RABGAP1L: variants seen among roughly 807,000 people sequenced by gnomAD.
RABGAP1L encodes the protein rab GTPase-activating protein 1-like.
RABGAP1L carries 63 observed loss-of-function variants against 137.7 expected under a neutral mutation model. That is an observed-to-expected ratio of 0.46 (90% CI 0.37 to 0.56). The LOEUF (loss-of-function observed/expected upper bound fraction) is 0.56. RABGAP1L is among the 20% of genes least tolerant of loss of function. The probability of loss-of-function intolerance (pLI) is 0.00; values close to 1 mark genes in which losing one functional copy is unlikely to be tolerated. For missense variants in RABGAP1L, 1,095 were observed against 1,244.0 expected (o/e 0.88, Z 1.80); for synonymous variants, 431 against 433.7 (o/e 0.99, Z 0.08).
intron 18 of RABGAP1L, among the ~76,000 whole-genome samples, chr1:174,753,501 G>A (rs1005400672): frequency 2.6e-5 from 4 of 152,120 alleles, no homozygotes; most frequent in Non-Finnish European, 4.4e-5. Context: ...TTTGCTCTTT[G>A]TGAAGTTCAT....
chr1:174,536,002 A>C (rs1206077736), intron 13 of RABGAP1L, among the ~76,000 whole-genome samples: 1 of 152,194 alleles, frequency 6.6e-6, no homozygotes, highest in Non-Finnish European at 1.5e-5. Flanking sequence ...TGAATGTGAT[A>C]GCATAATGTT....
At chr1:174,533,503 G>T (rs997704597) in intron 13 of RABGAP1L, among the ~76,000 whole-genome samples, 1 of 152,022 alleles carries the variant, frequency 6.6e-6, no homozygotes, top group African/African-American at 2.4e-5. Context: ...AGCCTACTCA[G>T]TGTGAAGACG....
chr1:174,414,161 T>G (rs1650272544), intron 13 of RABGAP1L, among the ~76,000 whole-genome samples: 1 of 152,086 alleles, frequency 6.6e-6, no homozygotes, highest in African/African-American at 2.4e-5. Context: ...ATGATATAAT[T>G]TTTTCTTAAT....
rs61581018 is a variant in RABGAP1L at position 174,901,460 on chromosome 1, A to T, written c.2341-55997A>T. Among the ~76,000 whole-genome samples, 872 of 152,212 alleles carry T rather than the reference A, an allele frequency of 5.7e-3. 8 individuals carry two copies. The highest frequency in any genetic ancestry group is 0.02 in the African/African-American group (832 of 41,562). On this transcript the variant is annotated intron_variant, in intron 19 of 25. Transcript: ENST00000681986. Reference sequence around the variant, plus strand: ...CCCCCTTATAAAACCATCAGATCTCATGAGAACTGTCTGTCATGAGAACAG... The same window carrying T: ...CCCCCTTATAAAACCATCAGATCTCTTGAGAACTGTCTGTCATGAGAACAG...
intron 19 of RABGAP1L, among the ~76,000 whole-genome samples, chr1:174,956,002 A>G (rs1668467046): frequency 6.6e-6 from 1 of 152,318 alleles, no homozygotes; most frequent in East Asian, 1.9e-4. Context: ...TTTAATATGT[A>G]TTATGGAACA....
intron 19 of RABGAP1L, among the ~76,000 whole-genome samples, chr1:174,915,869 T>A (rs1660779044): frequency 6.6e-6 from 1 of 152,162 alleles, no homozygotes; most frequent in Admixed American, 6.5e-5. Context: ...TTTTTCCCAA[T>A]CTGTGGCTTT....
chr1:174,614,806 T>G (rs12096634), intron 13 of RABGAP1L, among the ~76,000 whole-genome samples: 2,387 of 152,316 alleles, frequency 0.016, 43 homozygotes, highest in African/African-American at 0.055. Flanking sequence ...TAAACTTCCC[T>G]TCTTGCTTCA....
At chr1:174,266,965 A>G (rs1006009684) in intron 7 of RABGAP1L, among the ~76,000 whole-genome samples, 1 of 152,212 alleles carries the variant, frequency 6.6e-6, no homozygotes, top group Non-Finnish European at 1.5e-5. Flanking sequence ...GATATGAACC[A>G]TATTGAAAAA....
At chr1:174,635,374 T>G (rs2148333356) in intron 13 of RABGAP1L, among the ~76,000 whole-genome samples, 2 of 152,322 alleles carry the variant, frequency 1.3e-5, no homozygotes, top group Middle Eastern at 6.8e-3. Context: ...TGGAAACTAT[T>G]AACTTATCGG....
chr1:174,497,964 A>G (rs1660894425), intron 13 of RABGAP1L, among the ~76,000 whole-genome samples: 1 of 152,224 alleles, frequency 6.6e-6, no homozygotes, highest in Admixed American at 6.5e-5. Context: ...TCTTATCTAT[A>G]GAGTGATCAC....
intron 4 of RABGAP1L, among the ~76,000 whole-genome samples, chr1:174,239,153 C>T (rs1001343160): frequency 3.3e-5 from 5 of 152,300 alleles, no homozygotes; most frequent in South Asian, 4.1e-4. Flanking sequence ...ACCAACTGGC[C>T]TGCGCCCACT....
At chr1:174,502,523 A>G (rs1661377407) in intron 13 of RABGAP1L, among the ~76,000 whole-genome samples, 1 of 149,956 alleles carries the variant, frequency 6.7e-6, no homozygotes, top group South Asian at 2.1e-4. Context: ...GAAAAAAAGG[A>G]AACTCAGGAA....
At chr1:174,747,981 C>G (rs994589125) in intron 17 of RABGAP1L, among the ~76,000 whole-genome samples, 1 of 151,640 alleles carries the variant, frequency 6.6e-6, no homozygotes, top group African/African-American at 2.4e-5. Flanking sequence ...CATACTTTAT[C>G]TTGTAGTTTG....
At chr1:174,940,590 C>T (rs1019547786) in intron 19 of RABGAP1L, among the ~76,000 whole-genome samples, 3 of 152,120 alleles carry the variant, frequency 2.0e-5, no homozygotes, top group African/African-American at 4.8e-5. Flanking sequence ...TTCTTCTTTT[C>T]TTTATCTTCC....
At chr1:174,292,181 G>C (rs1170158734) in intron 10 of RABGAP1L, among the ~76,000 whole-genome samples, 1 of 150,692 alleles carries the variant, frequency 6.6e-6, no homozygotes, top group African/African-American at 2.4e-5. Context: ...AGGACTACAG[G>C]TACATCCATC....
intron 11 of RABGAP1L, among the ~76,000 whole-genome samples, chr1:174,347,105 A>C (rs1261721043): frequency 6.6e-6 from 1 of 151,280 alleles, no homozygotes; most frequent in East Asian, 2.2e-4. Flanking sequence ...AGTTTTTAAA[A>C]TAAATTTAAT....
chr1:174,382,840 C>T (rs1323656846), intron 12 of RABGAP1L, among the ~76,000 whole-genome samples: 6 of 152,150 alleles, frequency 3.9e-5, no homozygotes, highest in Admixed American at 2.6e-4. Context: ...TGAGGAACTG[C>T]GTTCCTTTGG....
intron 13 of RABGAP1L, among the ~76,000 whole-genome samples, chr1:174,557,780 CAT>C (rs1162519116): frequency 9.2e-5 from 14 of 152,230 alleles, no homozygotes; most frequent in African/African-American, 3.4e-4. Context: ...TAGAGTTTTA[CAT>C]CCTTCAGGAT....
intron 3 of RABGAP1L, among the ~76,000 whole-genome samples, chr1:174,230,446 G>A (rs917240891): frequency 2.6e-5 from 4 of 152,146 alleles, no homozygotes; most frequent in Admixed American, 2.6e-4. Context: ...TCGTCTTAGT[G>A]TAGGTGAAGG....
Sources: gnomAD v4.1 joint callset for allele counts (sites outside exome capture counted in the v4.1 genomes callset) on GRCh38, gnomAD v4.1.1 for gene constraint, MANE v1.5 for transcripts, NCBI Gene and HGNC (gene_info 2026-07-23, HGNC 2026-07-21) for gene names.